The following GRIP1 variants were observed in gnomAD, a reference collection of about 807,000 sequenced individuals.
The protein encoded by GRIP1 is glutamate receptor interacting protein 1, also known as glutamate receptor-interacting protein 1.
A neutral mutation model predicts 129.9 loss-of-function variants in GRIP1; 45 were observed. The ratio of observed to expected loss-of-function variants is 0.35; its 90% CI spans 0.27 to 0.44. The LOEUF (loss-of-function observed/expected upper bound fraction) is 0.44. GRIP1 is among the 20% of genes least tolerant of loss of function. The probability of loss-of-function intolerance (pLI) is 1.00; values close to 1 mark genes in which losing one functional copy is unlikely to be tolerated. For missense variants in GRIP1, 1,196 were observed against 1,396.8 expected, an observed-to-expected ratio of 0.86 and a Z score of 2.29; for synonymous variants, 530 against 520.8, an observed-to-expected ratio of 1.02 and a Z score of -0.24.
chr12:66,972,717 C>T (rs1485285827), intron 1 of GRIP1, among the ~76,000 whole-genome samples: 1 of 152,154 alleles, frequency 6.6e-6, no homozygotes, highest in Non-Finnish European at 1.5e-5. Context: ...CAGTGAAATG[C>T]TCTAACTATT....
At chr12:66,829,696 G>A (rs934432126) in intron 1 of GRIP1, among the ~76,000 whole-genome samples, 5 of 152,190 alleles carry the variant, frequency 3.3e-5, no homozygotes, top group African/African-American at 4.8e-5. Context: ...GCATTTTATA[G>A]CTCAAGCGCT....
rs1471383444 is a variant in GRIP1, at chr12:66,482,167, G to A, written c.725-16745C>T. ...GTTTCCAGAAAAATTACTCAAGCAT[G>A]TCAAAAGATCCACAGAAGGTGCCTG... On this transcript the variant is annotated intron_variant, in intron 7 of 24. Coordinates refer to ENST00000359742, the MANE Select transcript of GRIP1 (RefSeq NM_001366722.1). Among the ~76,000 whole-genome samples, 3 of 152,236 alleles carry A rather than the reference G, an allele frequency of 2.0e-5. No individual in the cohort carries two copies. The East Asian group carries it at 5.8e-4, about 29-fold the overall frequency.
At chr12:67,027,122 T>C (rs1565645481) in intron 1 of GRIP1, among the ~76,000 whole-genome samples, 1 of 152,098 alleles carries the variant, frequency 6.6e-6, no homozygotes. Context: ...CTTGTCTGGA[T>C]TGAAAGGAGA....
At chr12:66,528,252 A>G (rs576311971) in intron 5 of GRIP1, among the ~76,000 whole-genome samples, 1 of 149,438 alleles carries the variant, frequency 6.7e-6, no homozygotes, top group East Asian at 2.0e-4. Context: ...CTCCTGCCTC[A>G]GCCTCCTGAG....
At chr12:66,739,792 C>G (rs919341690) in intron 1 of GRIP1, among the ~76,000 whole-genome samples, 1 of 151,446 alleles carries the variant, frequency 6.6e-6, no homozygotes, top group Non-Finnish European at 1.5e-5. Flanking sequence ...CTCTTTCTAA[C>G]CTGAAACCCA....
At chr12:66,694,578 G>A (rs1317533809) in intron 1 of GRIP1, among the ~76,000 whole-genome samples, 1 of 152,018 alleles carries the variant, frequency 6.6e-6, no homozygotes, top group Non-Finnish European at 1.5e-5. Flanking sequence ...TATAAATGAA[G>A]ATAATAAAAA....
At chr12:66,864,757 C>A (rs1354574071) in intron 1 of GRIP1, among the ~76,000 whole-genome samples, 1 of 152,014 alleles carries the variant, frequency 6.6e-6, no homozygotes, top group South Asian at 2.1e-4. Context: ...AAATGCTGAC[C>A]TTTATCAAAC....
chr12:66,803,530 A>T lies in GRIP1; in HGVS notation c.-420+523T>A, dbSNP rs1299499047. Among the ~76,000 whole-genome samples the T allele has an allele frequency of 7.2e-5, 11 of 152,230 alleles. No homozygotes were observed. In the East Asian group the frequency reaches 2.1e-3, roughly 29 times the overall value. On this transcript the variant is annotated intron_variant, in intron 1 of 4. Transcript: ENST00000538373. ...TCTAGCTGACAGCAAATAAGAATTA[A>T]CCTTATTTAATAACAAAATTGTAAA...
chr12:66,684,593 C>T (rs931266275), intron 1 of GRIP1, among the ~76,000 whole-genome samples: 2 of 152,152 alleles, frequency 1.3e-5, no homozygotes, highest in Non-Finnish European at 2.9e-5. Context: ...ACCTGTAATG[C>T]CAGCACTTTG....
chr12:66,408,674 T>C (rs1015852000), intron 15 of GRIP1, among the ~76,000 whole-genome samples: 2 of 152,066 alleles, frequency 1.3e-5, no homozygotes, highest in African/African-American at 2.4e-5. Context: ...GGACTTTATC[T>C]TGAAGCTTAG....
At chr12:67,006,720 G>A (rs193247450) in intron 1 of GRIP1, among the ~76,000 whole-genome samples, 38 of 152,328 alleles carry the variant, frequency 2.5e-4, no homozygotes, top group Non-Finnish European at 4.7e-4. Context: ...AGGGAGGGAT[G>A]GAGGAAATAA....
chr12:66,786,247 C>A (rs1022790562), intron 1 of GRIP1, among the ~76,000 whole-genome samples: 1 of 152,100 alleles, frequency 6.6e-6, no homozygotes, highest in African/African-American at 2.4e-5. Context: ...ATGGATATGA[C>A]AACCACATTT....
chr12:66,493,827 G>C (rs2060167806), intron 7 of GRIP1, among the ~76,000 whole-genome samples: 1 of 152,150 alleles, frequency 6.6e-6, no homozygotes, highest in South Asian at 2.1e-4. Flanking sequence ...ATTATGTTAA[G>C]AAGTGAACAC....
intron 1 of GRIP1, among the ~76,000 whole-genome samples, chr12:66,850,822 A>G (rs1309516185): frequency 2.0e-5 from 3 of 151,756 alleles, no homozygotes; most frequent in African/African-American, 7.3e-5. Flanking sequence ...CAACTGATAG[A>G]TTAGTTTGTT....
At chr12:66,692,540 G>T (rs1345312333) in intron 1 of GRIP1, among the ~76,000 whole-genome samples, 1 of 151,920 alleles carries the variant, frequency 6.6e-6, no homozygotes. Context: ...TTTTGGAGGA[G>T]ATTTAAAAAA....
chr12:66,522,863 T>C (rs12813160), intron 5 of GRIP1, among the ~76,000 whole-genome samples: 71,864 of 151,714 alleles, frequency 0.47, 17,283 homozygotes, highest in African/African-American at 0.56. Flanking sequence ...AGCCAAGGCT[T>C]GAGAACTATG....
At chr12:66,795,590 C>T (rs1246523830) in intron 1 of GRIP1, among the ~76,000 whole-genome samples, 2 of 152,156 alleles carry the variant, frequency 1.3e-5, no homozygotes, top group Admixed American at 1.3e-4. Flanking sequence ...TCCTCTGAAT[C>T]ATATTTAACA....
At chr12:66,785,517 G>C (rs987457631) in intron 1 of GRIP1, among the ~76,000 whole-genome samples, 2 of 151,064 alleles carry the variant, frequency 1.3e-5, no homozygotes, top group African/African-American at 4.9e-5. Flanking sequence ...GTCTCAAAAA[G>C]AAAAAGGTTG....
At chr12:66,795,969 G>A (rs936970372) in intron 1 of GRIP1, among the ~76,000 whole-genome samples, 1 of 152,062 alleles carries the variant, frequency 6.6e-6, no homozygotes. Flanking sequence ...TGTACTTTTA[G>A]CTTAAGAATC....
Sources: allele counts gnomAD v4.1 joint callset (sites outside exome capture counted in the v4.1 genomes callset), GRCh38; gene constraint gnomAD v4.1.1; transcripts MANE v1.5; gene names NCBI Gene and HGNC (gene_info 2026-07-23, HGNC 2026-07-21).